Variants in FBXL17 observed in about 807,000 individuals in gnomAD.
FBXL17 encodes F-box/LRR-repeat protein 17.
In FBXL17, 22 loss-of-function variants were observed where a neutral mutation model predicts 66.2. The observed-to-expected ratio is 0.33, with a 90% confidence interval of 0.24 to 0.47. The LOEUF is 0.47. Among genes scored for constraint, FBXL17 ranks in the 20% least tolerant of loss-of-function variants. The pLI is 1.00. For synonymous variants in FBXL17, 474 were observed against 400.5 expected (o/e 1.18, Z -2.19); for missense variants, 878 against 948.2 (o/e 0.93, Z 0.97).
At chr5:108,362,534 T>C (rs1748410375) in intron 3 of FBXL17, among the ~76,000 whole-genome samples, 1 of 152,096 alleles carries the variant, frequency 6.6e-6, no homozygotes, top group South Asian at 2.1e-4. Context: ...TAGGAACACA[T>C]TCCACTGGTA....
intron 5 of FBXL17, among the ~76,000 whole-genome samples, chr5:108,186,583 A>G (rs1753243400): frequency 1.3e-5 from 2 of 152,062 alleles, no homozygotes; most frequent in Admixed American, 6.5e-5. Context: ...CATCTTGGCC[A>G]ACATGGTGAA....
chr5:108,300,454 T>C (rs897391848), intron 4 of FBXL17, among the ~76,000 whole-genome samples: 1 of 151,894 alleles, frequency 6.6e-6, no homozygotes, highest in Non-Finnish European at 1.5e-5. Context: ...AATATAATAG[T>C]TGTAATTAAA....
chr5:107,931,312 T>G (rs1005050036), intron 7 of FBXL17, among the ~76,000 whole-genome samples: 4 of 149,338 alleles, frequency 2.7e-5, no homozygotes, highest in African/African-American at 5.0e-5. Flanking sequence ...CAGGCTGGAG[T>G]GCAGTGGTGC....
At chr5:108,332,941 C>CAAAAAAAAAA (rs34218940) in intron 4 of FBXL17, among the ~76,000 whole-genome samples, 11 of 34,760 alleles carry the variant, frequency 3.2e-4, no homozygotes, top group East Asian at 9.7e-4. Context: ...AAAGCAAAAG[C>CAAAAAAAAAA]AAAAAAAAAA....
In FBXL17 at chr5:108,090,029, T is replaced by C. The variant is rs150173003; in HGVS notation, c.1746-69028A>G. ...TTTTTGTAGAGATGGGGTTTAGCCA[T>C]GTTGATCAAGGCTGGTCTTGAACTC... On this transcript the variant is annotated intron_variant, in intron 6 of 8. Transcript: ENST00000542267. Among the ~76,000 whole-genome samples the C allele has an allele frequency of 3.9e-3, 589 of 152,192 alleles. 9 individuals are homozygous for C. Among genetic ancestry groups the C allele is most frequent in the African/African-American group, 0.013 (553 of 41,528 alleles).
chr5:108,037,733 T>C (rs1413390221), intron 6 of FBXL17, among the ~76,000 whole-genome samples: 6 of 152,166 alleles, frequency 3.9e-5, no homozygotes, highest in African/African-American at 1.4e-4. Context: ...AAAGGGTTTT[T>C]GTAAGAATTA....
chr5:108,320,961 C>A (rs1039603429), intron 4 of FBXL17, among the ~76,000 whole-genome samples: 10 of 151,782 alleles, frequency 6.6e-5, no homozygotes, highest in African/African-American at 2.2e-4. Context: ...TGCCAAATAT[C>A]CGAAGTTAAA....
At chr5:107,924,791 A>C (rs1290281491) in intron 7 of FBXL17, among the ~76,000 whole-genome samples, 1 of 152,166 alleles carries the variant, frequency 6.6e-6, no homozygotes, top group Non-Finnish European at 1.5e-5. Context: ...CCATCACGAA[A>C]TTCTCGAGAC....
chr5:107,883,485 C>G (rs969373067), intron 7 of FBXL17, among the ~76,000 whole-genome samples: 4 of 151,922 alleles, frequency 2.6e-5, no homozygotes, highest in Admixed American at 2.0e-4. Context: ...GTGGGTGCGA[C>G]GTGGGGTAGA....
At chr5:108,208,672 A>G (rs1238678667) in intron 5 of FBXL17, among the ~76,000 whole-genome samples, 1 of 151,966 alleles carries the variant, frequency 6.6e-6, no homozygotes, top group Non-Finnish European at 1.5e-5. Flanking sequence ...TGGTCTATGT[A>G]TCTGTTTTGG....
intron 6 of FBXL17, among the ~76,000 whole-genome samples, chr5:108,128,569 A>G (rs1750807269): frequency 6.6e-6 from 1 of 152,206 alleles, no homozygotes; most frequent in Non-Finnish European, 1.5e-5. Flanking sequence ...TAGAAACTCT[A>G]TGATAAAAAC....
chr5:107,946,294 T>TATATAA (rs1751288878), intron 7 of FBXL17, among the ~76,000 whole-genome samples: 3 of 80,748 alleles, frequency 3.7e-5, no homozygotes, highest in Non-Finnish European at 7.4e-5. Context: ...TATATATATA[T>TATATAA]ATATATATAT....
intron 6 of FBXL17, among the ~76,000 whole-genome samples, chr5:108,047,291 A>G (rs1159458072): frequency 1.3e-5 from 2 of 152,238 alleles, no homozygotes; most frequent in African/African-American, 4.8e-5. Context: ...TGCTTTCCGC[A>G]TGGAACTGTG....
At chr5:107,990,854 C>T (rs897930139) in intron 7 of FBXL17, among the ~76,000 whole-genome samples, 25 of 152,114 alleles carry the variant, frequency 1.6e-4, no homozygotes, top group Non-Finnish European at 3.4e-4. Flanking sequence ...ACATCTTCTC[C>T]GAGACTGGTA....
chr5:108,089,820 T>G (rs1749121842), intron 6 of FBXL17, among the ~76,000 whole-genome samples: 1 of 152,104 alleles, frequency 6.6e-6, no homozygotes, highest in Non-Finnish European at 1.5e-5. Context: ...AGTAAAATGC[T>G]TTTGTTGTTG....
chr5:108,340,462 G>A (rs895351139), intron 4 of FBXL17, among the ~76,000 whole-genome samples: 17 of 150,572 alleles, frequency 1.1e-4, no homozygotes, highest in Admixed American at 5.9e-4. Context: ...AAATAAAACC[G>A]ATTTTATTAA....
At chr5:108,254,411 A>G (rs1285167719) in intron 4 of FBXL17, among the ~76,000 whole-genome samples, 2 of 152,124 alleles carry the variant, frequency 1.3e-5, no homozygotes, top group African/African-American at 4.8e-5. Flanking sequence ...ATTCCCAACT[A>G]TACAGAAAAC....
At chr5:108,133,288 T>C (rs546057879) in intron 6 of FBXL17, among the ~76,000 whole-genome samples, 6 of 152,286 alleles carry the variant, frequency 3.9e-5, no homozygotes, top group South Asian at 2.1e-4. Context: ...GGCTCTTTTT[T>C]TTCTTTCAGG....
chr5:108,289,473 G>A (rs909603282), intron 4 of FBXL17, among the ~76,000 whole-genome samples: 1 of 152,064 alleles, frequency 6.6e-6, no homozygotes, highest in African/African-American at 2.4e-5. Flanking sequence ...TCAGTTTGAA[G>A]AAGTGCCCTG....
Sources: gnomAD v4.1 joint callset for allele counts (sites outside exome capture counted in the v4.1 genomes callset) on GRCh38, gnomAD v4.1.1 for gene constraint, MANE v1.5 for transcripts, NCBI Gene and HGNC (gene_info 2026-07-23, HGNC 2026-07-21) for gene names.